PLEKHB2: variants seen among roughly 807,000 people sequenced by gnomAD.
PLEKHB2 encodes the protein pleckstrin homology domain-containing family B member 2.
Under a neutral mutation model 36.5 loss-of-function variants are expected in PLEKHB2, and 31 were observed. That is an observed-to-expected ratio of 0.85 (90% CI 0.64 to 1.15). The LOEUF (loss-of-function observed/expected upper bound fraction) is 1.15. PLEKHB2 is among the 50% of genes most tolerant of loss of function. The pLI is 0.00. For synonymous variants in PLEKHB2, 119 were observed against 112.0 expected, an observed-to-expected ratio of 1.06 and a Z score of -0.39; for missense variants, 262 against 295.3, an observed-to-expected ratio of 0.89 and a Z score of 0.83.
In PLEKHB2 at chr2:131,118,242, T is replaced by C. The variant is rs139131920; in HGVS notation, c.-8-2692T>C. Among the ~76,000 whole-genome samples the C allele has an allele frequency of 1.5e-3, 229 of 152,298 alleles. 1 individual carries two copies. Among genetic ancestry groups the C allele is most frequent in the Admixed American group, 0.013 (205 of 15,282 alleles). On this transcript the variant is annotated intron_variant, in intron 1 of 7. Coordinates refer to ENST00000693505, the MANE Select transcript of PLEKHB2 (RefSeq NM_001100623.2). ...GACAGGGAGACTGGCTTTTGTTTGC[T>C]GGGGATTGTATGTTTGAGAACCTAA... is the stretch of plus-strand genomic sequence containing the variant.
rs1391542760 is a variant in PLEKHB2 at position 131,105,403 on chromosome 2, G to GT, written c.-9+6dup. ...GTTCTCCACGCTGGTTCGCAGGTGA[G>GT]TGTCCCTGTTTAGTCCGGACGACCC... On this transcript the variant is annotated splice_donor_region_variant and intron_variant, in intron 1 of 7. Transcript: ENST00000693505. 6.6e-6 allele frequency: 1 copy of GT among 152,434 alleles called. No individual in the cohort carries two copies. Among genetic ancestry groups the GT allele is most frequent in the Non-Finnish European group, 1.5e-5 (1 of 68,200 alleles). 9.4% of individuals were successfully genotyped at this position (152,434 alleles called of 1,614,324 possible).
intron 1 of PLEKHB2, among the ~76,000 whole-genome samples, chr2:131,109,460 C>T (rs1287630861): frequency 1.3e-5 from 2 of 152,050 alleles, no homozygotes; most frequent in South Asian, 2.1e-4. Flanking sequence ...GAGGCTGAGG[C>T]GGGTGGATCC....
At chr2:131,139,140 G>A (rs891916727) in intron 6 of PLEKHB2, among the ~76,000 whole-genome samples, 4 of 152,158 alleles carry the variant, frequency 2.6e-5, no homozygotes, top group Admixed American at 6.5e-5. Context: ...GTTAAAGAGA[G>A]CAGCTCTTCT....
chr2:131,122,376 CAG>C (rs1380163413), intron 2 of PLEKHB2, among the ~76,000 whole-genome samples: 4 of 152,190 alleles, frequency 2.6e-5, no homozygotes, highest in Non-Finnish European at 5.9e-5. Context: ...ATTGATTGTT[CAG>C]AGACTTGAGT....
chr2:131,126,029 G>A (rs1167641594), intron 3 of PLEKHB2, 124 bp downstream of exon 3: 18 of 950,084 alleles, frequency 1.9e-5, no homozygotes, highest in Non-Finnish European at 2.8e-5. Context: ...CATCTCAGAG[G>A]GGCGACCACA....
At chr2:131,136,211 C>T (rs1573611868) in intron 6 of PLEKHB2, among the ~76,000 whole-genome samples, 1 of 140,572 alleles carries the variant, frequency 7.1e-6, no homozygotes, top group Admixed American at 7.2e-5. Flanking sequence ...GTCCCCTCTC[C>T]TCCTCTCCTC....
chr2:131,115,211 A>G (rs1401128457), intron 1 of PLEKHB2, among the ~76,000 whole-genome samples: 1 of 152,122 alleles, frequency 6.6e-6, no homozygotes, highest in Non-Finnish European at 1.5e-5. Flanking sequence ...TACCATGAGA[A>G]CAGTATGGGG....
chr2:131,135,798 C>T (rs1481800954), intron 6 of PLEKHB2, among the ~76,000 whole-genome samples: 4 of 151,446 alleles, frequency 2.6e-5, no homozygotes, highest in African/African-American at 7.3e-5. Flanking sequence ...TTAGTAGAGA[C>T]GGGGTTTCAC....
chr2:131,113,354 C>T (rs1226935257), intron 1 of PLEKHB2, among the ~76,000 whole-genome samples: 3 of 152,250 alleles, frequency 2.0e-5, no homozygotes, highest in Middle Eastern at 3.4e-3. Context: ...ATTACAGATG[C>T]GCAACACTGT....
rs781526594 is a variant in PLEKHB2 at position 131,110,317 on chromosome 2, GT to G, written c.-9+4936del. On this transcript the variant is annotated intron_variant, in intron 1 of 7. Transcript: ENST00000693505. ...ACTCGGTCCTGCTCCAGTCTGGACTGTTTTTTTTTTTTTTTTTCCTCCCCAG... is the reference window on the plus strand; with the variant it reads ...ACTCGGTCCTGCTCCAGTCTGGACTGTTTTTTTTTTTTTTTTCCTCCCCAG... Among the ~76,000 whole-genome samples, 718 of 129,400 alleles carry G rather than the reference GT, an allele frequency of 5.5e-3. 6 individuals carry two copies. The highest frequency in any genetic ancestry group is 0.014 in the African/African-American group (501 of 35,358). The allele number at this position is 129,400 out of a possible 152,430, so 84.9% of individuals were successfully genotyped here.
intron 7 of PLEKHB2, among the ~76,000 whole-genome samples, chr2:131,144,922 A>T (rs1195372274): frequency 6.6e-6 from 1 of 152,272 alleles, no homozygotes; most frequent in Non-Finnish European, 1.5e-5. Flanking sequence ...CAGGGCTGTG[A>T]AAGTAAATGC....
At chr2:131,130,867 A>C in intron 5 of PLEKHB2, 107 bp downstream of exon 5, 9 of 766,164 alleles carry the variant, frequency 1.2e-5, no homozygotes, top group Non-Finnish European at 2.0e-5. Flanking sequence ...TGCAGCCTCT[A>C]CCTCTCGGGC....
At chr2:131,113,207 C>G (rs981482749) in intron 1 of PLEKHB2, among the ~76,000 whole-genome samples, 1 of 152,060 alleles carries the variant, frequency 6.6e-6, no homozygotes, top group African/African-American at 2.4e-5. Flanking sequence ...CTCAGCCCCC[C>G]AGTAGCTGGG....
rs993083174 is a variant in PLEKHB2 at position 131,117,573 on chromosome 2, T to G, written c.-8-3361T>G. Among the ~76,000 whole-genome samples, 7 of 152,328 alleles carry G rather than the reference T, an allele frequency of 4.6e-5. No homozygotes were observed. In the East Asian group the frequency reaches 1.2e-3, roughly 25 times the overall value. On this transcript the variant is annotated intron_variant, in intron 1 of 7. Coordinates refer to ENST00000693505, the MANE Select transcript of PLEKHB2 (RefSeq NM_001100623.2). ...TTTTGTATTTGTCATGACTACGTAGTTCTCAGTACCTTTTCTAGTAATTTT... is the reference window on the plus strand; with the variant it reads ...TTTTGTATTTGTCATGACTACGTAGGTCTCAGTACCTTTTCTAGTAATTTT...
chr2:131,140,747 G>C (rs1276921797), intron 7 of PLEKHB2, among the ~76,000 whole-genome samples: 3 of 152,188 alleles, frequency 2.0e-5, no homozygotes, highest in African/African-American at 7.2e-5. Flanking sequence ...TGAAACACTT[G>C]GCAGGCATGA....
At chr2:131,115,043 G>C (rs1256732755) in intron 1 of PLEKHB2, among the ~76,000 whole-genome samples, 2 of 152,196 alleles carry the variant, frequency 1.3e-5, no homozygotes, top group Non-Finnish European at 2.9e-5. Flanking sequence ...AAGGAAGGAG[G>C]TTTAGTTGAC....
In PLEKHB2 at chr2:131,130,758, A is replaced by T. The variant is rs1477036882; in HGVS notation, c.331A>T (p.Thr111Ser). 1.2e-6 allele frequency: 2 copies of T among 1,608,616 alleles called. No individual in the cohort carries two copies. Among genetic ancestry groups the T allele is most frequent in the Non-Finnish European group, 1.7e-6 (2 of 1,175,766 alleles). The change falls in exon 5 of 8, where the codon ACA becomes TCA. Residue 111 changes from threonine (T) to serine (S), a missense_variant and splice_region_variant. Coordinates refer to ENST00000693505, the MANE Select transcript of PLEKHB2 (RefSeq NM_001100623.2). ...TACACTCCAAGATTCTAGGACAAACACAGTAAGTTGCTAATGGCAATCACC... is the reference window on the plus strand; with the variant it reads ...TACACTCCAAGATTCTAGGACAAACTCAGTAAGTTGCTAATGGCAATCACC... ...KFTLQDSRTN[T>S]AYVGSAVMTD...
At position 131,105,754 on chromosome 2, in the gene PLEKHB2, C is replaced by T. The variant is rs894584270; in HGVS notation, c.-9+356C>T. On this transcript the variant is annotated intron_variant, in intron 1 of 7. Coordinates refer to ENST00000693505, the MANE Select transcript of PLEKHB2 (RefSeq NM_001100623.2). ...CCCCTCCTCTCCGGCCCCGCGGACC[C>T]TCCTCCTTTCCCGACTGCAGCCTCC... Among the ~76,000 whole-genome samples the T allele has an allele frequency of 6.5e-4, 99 of 152,172 alleles. 1 individual carries two copies. The highest frequency in any genetic ancestry group is 8.5e-4 in the Admixed American group (13 of 15,270).
chr2:131,119,900 A>G (rs4508641), intron 1 of PLEKHB2, among the ~76,000 whole-genome samples: 22,282 of 150,672 alleles, frequency 0.15, 2,180 homozygotes, highest in Non-Finnish European at 0.21. Flanking sequence ...TCTGTATGAT[A>G]TGTGTGAACT....
Sources: gnomAD v4.1 joint callset for allele counts (sites outside exome capture counted in the v4.1 genomes callset) on GRCh38, gnomAD v4.1.1 for gene constraint, MANE v1.5 for transcripts, NCBI Gene and HGNC (gene_info 2026-07-23, HGNC 2026-07-21) for gene names.